Variants in SV2B observed in about 807,000 individuals in gnomAD.
SV2B encodes the protein solute carrier family 22 member B2.
Under a neutral mutation model 73.9 loss-of-function variants are expected in SV2B, and 41 were observed. The ratio of observed to expected loss-of-function variants is 0.56; its 90% CI spans 0.43 to 0.72. The LOEUF (loss-of-function observed/expected upper bound fraction) is 0.72. Ranked by LOEUF, SV2B falls within the 30% of genes least tolerant of loss-of-function variation. SV2B has a pLI of 0.00. For synonymous variants in SV2B, 314 were observed against 314.2 expected, an observed-to-expected ratio of 1.00 and a Z score of 0.01; for missense variants, 764 against 857.8, an observed-to-expected ratio of 0.89 and a Z score of 1.37.
intron 1 of SV2B, among the ~76,000 whole-genome samples, chr15:91,120,459 G>A (rs1449370720): frequency 1.3e-5 from 2 of 152,084 alleles, no homozygotes; most frequent in Non-Finnish European, 2.9e-5. Flanking sequence ...ATGAGATTTG[G>A]GTGGGGACAT....
intron 1 of SV2B, among the ~76,000 whole-genome samples, chr15:91,156,620 C>T (rs1339183177): frequency 6.6e-6 from 1 of 152,226 alleles, no homozygotes; most frequent in Non-Finnish European, 1.5e-5. Context: ...TGCCAGCCTT[C>T]ATGGCCATTG....
chr15:91,156,894 T>C (rs1422857923), intron 1 of SV2B, among the ~76,000 whole-genome samples: 2 of 152,196 alleles, frequency 1.3e-5, no homozygotes, highest in Admixed American at 1.3e-4. Context: ...GGCTGCTAAT[T>C]GCAATTTTTG....
Position 91,283,259 on chromosome 15 carries a change from G to A in SV2B, c.1508-762G>A, listed in dbSNP as rs571642179. ...GGCTTTTATTTTTTAAGAATGTTCAGGTTTTGGCACAGACTACAGCATGGG... is the reference window on the plus strand; with the variant it reads ...GGCTTTTATTTTTTAAGAATGTTCAAGTTTTGGCACAGACTACAGCATGGG... On this transcript the variant is annotated intron_variant, in intron 10 of 12. Transcript: ENST00000394232. This position sits in a 1 kb window ranked among gnomAD's most constrained non-coding sequence, Gnocchi z 4.3. Among the ~76,000 whole-genome samples the A allele has an allele frequency of 6.6e-6, 1 of 152,312 alleles. No homozygotes were observed. The highest frequency in any genetic ancestry group is 2.4e-5 in the African/African-American group (1 of 41,578).
intron 6 of SV2B, among the ~76,000 whole-genome samples, chr15:91,264,888 A>C (rs149500797): frequency 2.0e-5 from 3 of 152,202 alleles, no homozygotes; most frequent in African/African-American, 7.2e-5. Flanking sequence ...GCTCTGAGGC[A>C]TAACTTCTGC....
At chr15:91,206,210 T>TGC (rs562373733) in intron 1 of SV2B, among the ~76,000 whole-genome samples, 4 of 149,762 alleles carry the variant, frequency 2.7e-5, no homozygotes, top group African/African-American at 9.9e-5. Context: ...GCTTTTTTTT[T>TGC]TTTTTTTTTT....
At chr15:91,189,794 C>T (rs936773142) in intron 1 of SV2B, among the ~76,000 whole-genome samples, 4 of 152,208 alleles carry the variant, frequency 2.6e-5, no homozygotes, top group African/African-American at 9.6e-5. Context: ...CGAGACCGTC[C>T]TGGCTAACAC....
intron 9 of SV2B, among the ~76,000 whole-genome samples, chr15:91,272,828 C>CT (rs869274294): frequency 0.044 from 4,114 of 92,844 alleles, 164 homozygotes; most frequent in Non-Finnish European, 0.062. Flanking sequence ...GCATATTCGT[C>CT]TTTTTTTTTT....
chr15:91,174,286 G>A (rs1052491571), intron 1 of SV2B, among the ~76,000 whole-genome samples: 7 of 152,202 alleles, frequency 4.6e-5, no homozygotes, highest in Non-Finnish European at 1.0e-4. Flanking sequence ...TCTCTTTGTG[G>A]ATTTAGACAA....
intron 1 of SV2B, among the ~76,000 whole-genome samples, chr15:91,133,084 A>G (rs1165516493): frequency 1.3e-5 from 2 of 152,190 alleles, no homozygotes; most frequent in African/African-American, 2.4e-5. Flanking sequence ...CAGGCGGAGA[A>G]ACTGAGGATC....
chr15:91,235,477 C>T (rs1439058250), intron 2 of SV2B, among the ~76,000 whole-genome samples: 1 of 152,090 alleles, frequency 6.6e-6, no homozygotes, highest in East Asian at 1.9e-4. Context: ...AACCAACCAC[C>T]TAGCCAGCCA....
intron 1 of SV2B, among the ~76,000 whole-genome samples, chr15:91,104,249 T>C (rs2041816948): frequency 6.6e-6 from 1 of 152,188 alleles, no homozygotes; most frequent in South Asian, 2.1e-4. Context: ...CTCATGTGAT[T>C]TTGGTCTGCT....
rs1319283563 is a variant in SV2B, at chr15:91,157,410, C to G, written c.-392+57047C>G. ...CTTCTCTTCTCTACCTGCCCATCCC[C>G]CACAAGAGGAAATGTTAACATTTCC... On this transcript the variant is annotated intron_variant, in intron 1 of 12. Coordinates refer to ENST00000394232, the MANE Select transcript of SV2B (RefSeq NM_001323032.3). Among the ~76,000 whole-genome samples the G allele has an allele frequency of 2.6e-5, 4 of 152,298 alleles. No individual in the cohort carries two copies. The East Asian group carries it at 5.8e-4, about 22-fold the overall frequency.
intron 1 of SV2B, among the ~76,000 whole-genome samples, chr15:91,101,144 T>TG (rs972557485): frequency 6.6e-6 from 1 of 151,862 alleles, no homozygotes; most frequent in Non-Finnish European, 1.5e-5. Flanking sequence ...GCAGCCCCAG[T>TG]GGGGTGGGGT....
At chr15:91,278,482 C>T (rs1352876758) in intron 9 of SV2B, among the ~76,000 whole-genome samples, 1 of 151,614 alleles carries the variant, frequency 6.6e-6, no homozygotes, top group Non-Finnish European at 1.5e-5. Flanking sequence ...TCGAGACCAT[C>T]CTGGCTAACA....
In SV2B at chr15:91,295,977, G is replaced by C. The variant is rs1253493190; in HGVS notation, c.*3425G>C. The C allele has an allele frequency of 6.6e-6, 1 of 152,126 alleles. No homozygotes were observed. The highest frequency in any genetic ancestry group is 1.5e-5 in the Non-Finnish European group (1 of 68,030). 9.4% of individuals were successfully genotyped at this position (152,126 alleles called of 1,614,324 possible). On this transcript the variant is annotated 3_prime_UTR_variant, in exon 13 of 13. Transcript: ENST00000394232. ...CAAACTGCACCTTTCATGTGTAAAA[G>C]GATTGCTACTACTTTACTTGTCAGC...
chr15:91,172,707 ATAGC>A (rs979741216), intron 1 of SV2B, among the ~76,000 whole-genome samples: 2 of 152,150 alleles, frequency 1.3e-5, no homozygotes, highest in African/African-American at 4.8e-5. Flanking sequence ...TCTTGTCCTG[ATAGC>A]TGTGTGACTT....
rs527857029 is a variant in SV2B, at chr15:91,231,236, C to T, written c.451+4522C>T. Reference sequence around the variant, plus strand: ...CAACGGATTGCCATGTTTAGGAGTGCGGACTTGATTCCACTGGTAGTGGAG... The same window carrying T: ...CAACGGATTGCCATGTTTAGGAGTGTGGACTTGATTCCACTGGTAGTGGAG... On this transcript the variant is annotated intron_variant, in intron 2 of 12. Coordinates refer to ENST00000394232, the MANE Select transcript of SV2B (RefSeq NM_001323032.3). This position sits in a 1 kb window ranked among gnomAD's most constrained non-coding sequence, Gnocchi z 4.5. Among the ~76,000 whole-genome samples the T allele has an allele frequency of 5.9e-5, 9 of 152,184 alleles. No homozygotes were observed. Among genetic ancestry groups the T allele is most frequent in the African/African-American group, 1.7e-4 (7 of 41,492 alleles).
chr15:91,135,090 C>T (rs140710204), intron 1 of SV2B, among the ~76,000 whole-genome samples: 1 of 151,946 alleles, frequency 6.6e-6, no homozygotes, highest in East Asian at 1.9e-4. Flanking sequence ...GCCTAGACCT[C>T]CCCAGCTCAC....
chr15:91,173,380 A>C (rs909208335), intron 1 of SV2B, among the ~76,000 whole-genome samples: 8 of 152,142 alleles, frequency 5.3e-5, no homozygotes, highest in Non-Finnish European at 1.2e-4. Flanking sequence ...CTGCGTTGGA[A>C]GCCACTGGAG....
Sources: allele counts gnomAD v4.1 joint callset (sites outside exome capture counted in the v4.1 genomes callset), GRCh38; gene constraint gnomAD v4.1.1; non-coding constraint Gnocchi (gnomAD v3.1); transcripts MANE v1.5; gene names NCBI Gene and HGNC (gene_info 2026-07-23, HGNC 2026-07-21).